The following SMARCA2 variants were observed in gnomAD, a reference collection of about 807,000 sequenced individuals.
SMARCA2 encodes the protein SWI/SNF-related matrix-associated actin-dependent regulator of chromatin subfamily A member 2.
A neutral mutation model predicts 199.8 loss-of-function variants in SMARCA2; 61 were observed. That is an observed-to-expected ratio of 0.31 (90% CI 0.25 to 0.38). SMARCA2 has a LOEUF of 0.38. Among genes scored for constraint, SMARCA2 ranks in the 10% least tolerant of loss-of-function variants. SMARCA2 has a pLI of 1.00. For synonymous variants in SMARCA2, 935 were observed against 732.0 expected (o/e 1.28, Z -4.48); for missense variants, 1,344 against 2,012.2 (o/e 0.67, Z 6.35).
At chr9:2,153,063 C>CA (rs1307234778) in intron 27 of SMARCA2, among the ~76,000 whole-genome samples, 17 of 149,714 alleles carry the variant, frequency 1.1e-4, no homozygotes, top group South Asian at 4.2e-4. Context: ...AACAAACAAA[C>CA]AACCAAAAAA....
chr9:2,087,817 C>T (rs1821865889), intron 18 of SMARCA2, among the ~76,000 whole-genome samples: 1 of 152,188 alleles, frequency 6.6e-6, no homozygotes, highest in Non-Finnish European at 1.5e-5. Flanking sequence ...GATGTTGAGG[C>T]ACATGGGCCC....
intron 23 of SMARCA2, among the ~76,000 whole-genome samples, chr9:2,109,027 TC>T (rs1259055025): frequency 6.6e-6 from 1 of 152,182 alleles, no homozygotes; most frequent in Non-Finnish European, 1.5e-5. Context: ...TTCTCCCTCT[TC>T]AGGAGGGCAT....
chr9:2,025,517 G>A (rs915070132), intron 1 of SMARCA2, among the ~76,000 whole-genome samples: 1 of 152,142 alleles, frequency 6.6e-6, no homozygotes, highest in Admixed American at 6.5e-5. Context: ...GTCCATCTGG[G>A]CCCTCTCCTC....
chr9:2,186,301 C>G lies in SMARCA2; in HGVS notation c.4594+73C>G, dbSNP rs1357355823. The G allele has an allele frequency of 1.1e-5, 17 of 1,478,514 alleles. 1 individual carries two copies. The highest frequency in any genetic ancestry group is 2.4e-5 in the East Asian group (1 of 41,268). The allele number at this position is 1,478,514 out of a possible 1,614,324, so 91.6% of individuals were successfully genotyped here. A position where few individuals can be genotyped will look rare whatever the true frequency, so the allele number is the denominator to read the frequency against. On this transcript the variant is annotated intron_variant, in intron 32 of 33. Coordinates refer to ENST00000349721, the MANE Select transcript of SMARCA2 (RefSeq NM_003070.5). Reference sequence around the variant, plus strand: ...GCATAGCTGTCTCCACAGATGTTCACAGAAGAGACTTTAGAGTGGGGCAGA... The same window carrying G: ...GCATAGCTGTCTCCACAGATGTTCAGAGAAGAGACTTTAGAGTGGGGCAGA...
intron 26 of SMARCA2, among the ~76,000 whole-genome samples, chr9:2,121,826 T>C (rs1586727188): frequency 6.6e-6 from 1 of 152,214 alleles, no homozygotes; most frequent in East Asian, 1.9e-4. Flanking sequence ...CTTTGGCAGC[T>C]CAAGATAAGT....
In SMARCA2 at chr9:2,169,202, C is replaced by G. The variant is rs894329545; in HGVS notation, c.4200-1217C>G. 6.6e-6 allele frequency among the ~76,000 whole-genome samples: 1 copy of G among 152,206 alleles called. No individual in the cohort carries two copies. The highest frequency in any genetic ancestry group is 1.5e-5 in the Non-Finnish European group (1 of 68,036). ...ACCCCCTGTCTTCCTGAGGCCCTTG[C>G]ACTGCTGGCCTGGCCTGGCAAGCTG... is the stretch of plus-strand genomic sequence containing the variant. On this transcript the variant is annotated intron_variant, in intron 28 of 33. Coordinates refer to ENST00000349721, the MANE Select transcript of SMARCA2 (RefSeq NM_003070.5). The surrounding 1 kb of genome is among the most constrained non-coding windows in gnomAD (Gnocchi z 6.5).
intron 1 of SMARCA2, among the ~76,000 whole-genome samples, chr9:2,021,350 A>G (rs1172205285): frequency 6.6e-6 from 1 of 152,246 alleles, no homozygotes; most frequent in Non-Finnish European, 1.5e-5. Context: ...AAATTACTTA[A>G]AAATGATAAA....
chr9:2,076,473 A>C (rs1409844590), intron 13 of SMARCA2, 144 bp downstream of exon 13: 14 of 588,144 alleles, frequency 2.4e-5, no homozygotes, highest in African/African-American at 1.9e-5. Flanking sequence ...GTCACCACTG[A>C]GTTCTGGGTT....
intron 27 of SMARCA2, among the ~76,000 whole-genome samples, chr9:2,154,267 C>T (rs1285043019): frequency 1.3e-5 from 2 of 152,198 alleles, no homozygotes; most frequent in Non-Finnish European, 2.9e-5. Flanking sequence ...GCTGCTGCTG[C>T]TGGCAGGGAC....
chr9:2,091,348 C>A (rs187365210), intron 19 of SMARCA2, among the ~76,000 whole-genome samples: 33 of 152,254 alleles, frequency 2.2e-4, no homozygotes, highest in African/African-American at 7.5e-4. Flanking sequence ...TCCAAAATGT[C>A]GTATGAGTAG....
intron 4 of SMARCA2, chr9:2,040,768 A>G (rs1197353951): frequency 6.6e-6 from 1 of 152,280 alleles, no homozygotes; most frequent in Non-Finnish European, 1.5e-5. Context: ...AAGCTATGAC[A>G]TTATACAATG....
Position 2,039,627 on chromosome 9 carries a change from C to A in SMARCA2, c.517C>A (p.Pro173Thr), listed in dbSNP as rs768229159. ...AMSQPNRGPSPFSPVQLHQLR... is the reference protein window; with the variant it reads ...AMSQPNRGPSTFSPVQLHQLR... Reference sequence around the variant, plus strand: ...GAGCCAGCCCAACAGAGGTCCCTCACCTTTCAGTCCTGTCCAGCTGCATCA... The same window carrying A: ...GAGCCAGCCCAACAGAGGTCCCTCAACTTTCAGTCCTGTCCAGCTGCATCA... The change falls in exon 4 of 34, where the codon CCT becomes ACT. Residue 173 changes from proline (P) to threonine (T), a missense_variant. By Grantham distance (38) the Pro-to-Thr change is conservative. This residue lies in a region of SMARCA2 where 275 missense variants were observed against 247.5 expected (regional missense o/e 1.11). Coordinates refer to ENST00000349721, the MANE Select transcript of SMARCA2 (RefSeq NM_003070.5). The surrounding 1 kb of genome is among the most constrained non-coding windows in gnomAD (Gnocchi z 4.8). 1 of 1,614,220 alleles carries A rather than the reference C, an allele frequency of 6.2e-7. No homozygotes were observed. Among genetic ancestry groups the A allele is most frequent in the South Asian group, 1.1e-5 (1 of 91,088 alleles).
rs1822934373 is a variant in SMARCA2, at chr9:2,110,174, G to A, written c.3293-80G>A. 8.6e-7 allele frequency: 1 copy of A among 1,162,032 alleles called. No individual in the cohort carries two copies. The highest frequency in any genetic ancestry group is 1.2e-6 in the Non-Finnish European group (1 of 824,364). The allele number at this position is 1,162,032 out of a possible 1,614,324, so 72.0% of individuals were successfully genotyped here. A position where few individuals can be genotyped will look rare whatever the true frequency, so the allele number is the denominator to read the frequency against. On this transcript the variant is annotated intron_variant, in intron 23 of 33. Coordinates refer to ENST00000349721, the MANE Select transcript of SMARCA2 (RefSeq NM_003070.5). This position sits in a 1 kb window ranked among gnomAD's most constrained non-coding sequence, Gnocchi z 4.8. ...GAGGAGTCTGGGTATATTTCTTGAA[G>A]GAAGCAAGCCTTTTTGTCTCATTCT...
At chr9:2,060,219 A>G (rs552285152) in intron 8 of SMARCA2, among the ~76,000 whole-genome samples, 1 of 151,938 alleles carries the variant, frequency 6.6e-6, no homozygotes, top group African/African-American at 2.4e-5. Flanking sequence ...TTTTTAAAAT[A>G]TAAGACATTA....
intron 31 of SMARCA2, among the ~76,000 whole-genome samples, chr9:2,182,577 T>C (rs1413087284): frequency 7.5e-6 from 1 of 133,810 alleles, no homozygotes; most frequent in African/African-American, 2.7e-5. Context: ...CATGGCAACC[T>C]CCGCCTCCCA....
At chr9:2,037,599 T>TG (rs1442228283) in intron 3 of SMARCA2, among the ~76,000 whole-genome samples, 1 of 152,222 alleles carries the variant, frequency 6.6e-6, no homozygotes, top group African/African-American at 2.4e-5. Flanking sequence ...CCCCAGTTGG[T>TG]GGCGGTCATA....
rs1823557899 is a variant in SMARCA2, at chr9:2,123,574, G to A, written c.3763-145G>A. On this transcript the variant is annotated intron_variant, in intron 26 of 33. Transcript: ENST00000349721. The surrounding 1 kb of genome is among the most constrained non-coding windows in gnomAD (Gnocchi z 4.1). ...AATCTCTCCCTAGATATTTAGGGAT[G>A]AGCTAGAACAAGCCAACCAGGATGA... 2.8e-6 allele frequency: 2 copies of A among 709,024 alleles called. No individual in the cohort carries two copies. The highest frequency in any genetic ancestry group is 5.0e-6 in the Non-Finnish European group (2 of 396,482). 43.9% of individuals were successfully genotyped at this position (709,024 alleles called of 1,614,324 possible).
At chr9:2,076,966 C>T (rs1271223004) in intron 13 of SMARCA2, among the ~76,000 whole-genome samples, 1 of 152,028 alleles carries the variant, frequency 6.6e-6, no homozygotes, top group Admixed American at 6.6e-5. Flanking sequence ...TTTTAAAAAC[C>T]AGAAATAGAC....
At chr9:2,029,808 T>G (rs1818984276) in intron 2 of SMARCA2, among the ~76,000 whole-genome samples, 1 of 152,226 alleles carries the variant, frequency 6.6e-6, no homozygotes, top group Admixed American at 6.5e-5. Flanking sequence ...AAGGTTCTGA[T>G]TTTTGCAGAG....
Sources: allele counts gnomAD v4.1 joint callset (sites outside exome capture counted in the v4.1 genomes callset), GRCh38; gene constraint gnomAD v4.1.1; regional missense constraint gnomAD v4.1.1; non-coding constraint Gnocchi (gnomAD v3.1); transcripts MANE v1.5; gene names NCBI Gene and HGNC (gene_info 2026-07-23, HGNC 2026-07-21).